TNKS: variants seen among roughly 807,000 people sequenced by gnomAD.
The protein encoded by TNKS is poly [ADP-ribose] polymerase tankyrase-1.
In TNKS, 72 loss-of-function variants were observed where a neutral mutation model predicts 135.8. That is an observed-to-expected ratio of 0.53 (90% CI 0.44 to 0.64). TNKS has a LOEUF of 0.64. Among genes scored for constraint, TNKS ranks in the 30% least tolerant of loss-of-function variants. TNKS has a pLI of 0.00. For missense variants in TNKS, 1,769 were observed against 1,674.0 expected, an observed-to-expected ratio of 1.06 and a Z score of -0.99; for synonymous variants, 849 against 649.3, an observed-to-expected ratio of 1.31 and a Z score of -4.68.
chr8:9,558,425 C>G (rs1305452896), intron 1 of TNKS: 1 of 152,078 alleles, frequency 6.6e-6, no homozygotes, highest in African/African-American at 2.4e-5. Flanking sequence ...AATGAAAGGC[C>G]TAAGTCTGAT....
At chr8:9,638,120 G>A (rs957723851) in intron 3 of TNKS, among the ~76,000 whole-genome samples, 10 of 152,094 alleles carry the variant, frequency 6.6e-5, no homozygotes, top group Admixed American at 2.0e-4. Flanking sequence ...GACTATGGGC[G>A]TACGCCACTA....
At chr8:9,649,824 T>A (rs1237919131) in intron 3 of TNKS, among the ~76,000 whole-genome samples, 1 of 151,688 alleles carries the variant, frequency 6.6e-6, no homozygotes, top group Non-Finnish European at 1.5e-5. Context: ...TATGGCTGAG[T>A]ACTAGTATTC....
intron 2 of TNKS, among the ~76,000 whole-genome samples, chr8:9,582,948 C>T (rs543076519): frequency 3.3e-5 from 5 of 151,852 alleles, no homozygotes; most frequent in African/African-American, 4.8e-5. Context: ...GGGCAGAGCA[C>T]GAGGTCAGGA....
At chr8:9,601,979 A>G (rs1184019100) in intron 2 of TNKS, among the ~76,000 whole-genome samples, 4 of 152,098 alleles carry the variant, frequency 2.6e-5, no homozygotes, top group African/African-American at 7.2e-5. Context: ...GGACGGGTCC[A>G]TAGGAACCTA....
At chr8:9,645,093 G>A (rs1800871709) in intron 3 of TNKS, among the ~76,000 whole-genome samples, 1 of 152,110 alleles carries the variant, frequency 6.6e-6, no homozygotes, top group South Asian at 2.1e-4. Flanking sequence ...GTTGCAGAAA[G>A]TTGGATGTCA....
At chr8:9,641,414 C>G (rs1166901432) in intron 3 of TNKS, among the ~76,000 whole-genome samples, 1 of 143,976 alleles carries the variant, frequency 6.9e-6, no homozygotes, top group Non-Finnish European at 1.5e-5. Flanking sequence ...AAAAATGAGT[C>G]TGATTTATTT....
intron 3 of TNKS, among the ~76,000 whole-genome samples, chr8:9,679,320 G>T (rs1172995883): frequency 6.6e-6 from 1 of 152,098 alleles, no homozygotes; most frequent in Non-Finnish European, 1.5e-5. Flanking sequence ...TGTATTCACT[G>T]TTTTGGTTTT....
intron 20 of TNKS, among the ~76,000 whole-genome samples, chr8:9,756,227 T>C (rs572268255): frequency 3.3e-5 from 5 of 152,262 alleles, no homozygotes; most frequent in Admixed American, 6.5e-5. Flanking sequence ...CCATAATTCA[T>C]TGTGAACTTG....
At chr8:9,753,235 C>T (rs191247270) in intron 20 of TNKS, among the ~76,000 whole-genome samples, 6 of 152,182 alleles carry the variant, frequency 3.9e-5, no homozygotes, top group East Asian at 1.9e-4. Flanking sequence ...TGTTTGTTTC[C>T]GAAAAATGTC....
chr8:9,708,268 A>G, intron 8 of TNKS, 103 bp from the exon 9 acceptor site: 3 of 1,072,942 alleles, frequency 2.8e-6, no homozygotes, highest in Non-Finnish European at 1.3e-6. Flanking sequence ...GTTAAAATAG[A>G]GAAATTCATA....
At chr8:9,585,585 A>G (rs73535825) in intron 2 of TNKS, among the ~76,000 whole-genome samples, 2,280 of 152,338 alleles carry the variant, frequency 0.015, 54 homozygotes, top group African/African-American at 0.051. Context: ...CAGCTTGAAG[A>G]CAATGGAATA....
chr8:9,567,343 G>C (rs1396904843), intron 1 of TNKS, among the ~76,000 whole-genome samples: 2 of 152,220 alleles, frequency 1.3e-5, no homozygotes, highest in Admixed American at 6.5e-5. Context: ...TAAAAAGTGT[G>C]ATTGGAAGTA....
chr8:9,728,993 A>G (rs995808335), intron 13 of TNKS, among the ~76,000 whole-genome samples: 2 of 152,184 alleles, frequency 1.3e-5, no homozygotes, highest in African/African-American at 4.8e-5. Context: ...TATTTCTCTC[A>G]GTTCTGGAGG....
rs761760832 is a variant in TNKS at position 9,748,146 on chromosome 8, C to T, written c.2766C>T (p.Leu922=). Residue 922 remains leucine, a synonymous_variant, in exon 18 of 27, where the codon CTC becomes CTT. Transcript: ENST00000310430. Reference sequence around the variant, plus strand: ...GAAGGACGCAGCTGTGCGCCCTCCTCCTAGCGCATGGTGCAGACCCCACCA... The same window carrying T: ...GAAGGACGCAGCTGTGCGCCCTCCTTCTAGCGCATGGTGCAGACCCCACCA... ...QKGRTQLCAL[L]LAHGADPTMK... is the part of the protein sequence containing the mutation. 27 of 1,614,020 alleles carry T rather than the reference C, an allele frequency of 1.7e-5. 1 individual carries two copies. The South Asian group carries it at 2.7e-4, about 16-fold the overall frequency.
chr8:9,599,411 T>C (rs1020656736), intron 2 of TNKS, among the ~76,000 whole-genome samples: 1 of 152,204 alleles, frequency 6.6e-6, no homozygotes, highest in Non-Finnish European at 1.5e-5. Context: ...TTAGGTAGTG[T>C]TTTATGAAAG....
intron 18 of TNKS, among the ~76,000 whole-genome samples, chr8:9,750,773 G>C (rs936251135): frequency 6.6e-6 from 1 of 152,186 alleles, no homozygotes; most frequent in Non-Finnish European, 1.5e-5. Context: ...CACACGTCTG[G>C]GAGTTGACTG....
At chr8:9,658,672 T>A (rs1244664526) in intron 3 of TNKS, among the ~76,000 whole-genome samples, 1 of 152,194 alleles carries the variant, frequency 6.6e-6, no homozygotes, top group Admixed American at 6.5e-5. Context: ...AGAAACTGCA[T>A]CAACTAATGA....
intron 5 of TNKS, among the ~76,000 whole-genome samples, chr8:9,687,172 C>T (rs1320664013): frequency 6.6e-6 from 1 of 152,148 alleles, no homozygotes; most frequent in Non-Finnish European, 1.5e-5. Flanking sequence ...CTTGCCAAAT[C>T]TTGGTAGATA....
intron 11 of TNKS, among the ~76,000 whole-genome samples, chr8:9,712,794 G>A (rs1804406009): frequency 6.6e-6 from 1 of 152,144 alleles, no homozygotes; most frequent in Non-Finnish European, 1.5e-5. Context: ...GGAGGCTGAG[G>A]TGGGAAAATC....
Sources: gnomAD v4.1 joint callset for allele counts (sites outside exome capture counted in the v4.1 genomes callset) on GRCh38, gnomAD v4.1.1 for gene constraint, MANE v1.5 for transcripts, NCBI Gene and HGNC (gene_info 2026-07-23, HGNC 2026-07-21) for gene names.